Variants in DDX60 observed in about 807,000 individuals in gnomAD.
DDX60 encodes the protein DExD/H-box helicase 60, also known as probable ATP-dependent RNA helicase DDX60.
In DDX60, 165 loss-of-function variants were observed where a neutral mutation model predicts 212.8. The ratio of observed to expected loss-of-function variants is 0.78; its 90% CI spans 0.68 to 0.88. The LOEUF is 0.88. DDX60 is among the 40% of genes least tolerant of loss of function. DDX60 has a pLI of 0.00. For missense variants in DDX60, 1,905 were observed against 2,003.9 expected, an observed-to-expected ratio of 0.95 and a Z score of 0.94; for synonymous variants, 703 against 685.3, an observed-to-expected ratio of 1.03 and a Z score of -0.40.
At chr4:168,317,344 G>A (rs1272715115) in intron 1 of DDX60, among the ~76,000 whole-genome samples, 1 of 152,052 alleles carries the variant, frequency 6.6e-6, no homozygotes, top group Non-Finnish European at 1.5e-5. Flanking sequence ...TCCAATCACA[G>A]TAGTGTCAGA....
In DDX60 at chr4:168,255,721, G is replaced by T; in HGVS notation, c.3547C>A (p.Gln1183Lys). The change falls in exon 26 of 38, where the codon CAA becomes AAA. Residue 1183 changes from glutamine to lysine, a missense_variant. Gln to Lys is a moderately conservative substitution (Grantham distance 53). Coordinates refer to ENST00000393743, the MANE Select transcript of DDX60 (RefSeq NM_017631.6). ...LRKVKKSIEK[Q>K]KIIDEKSQKK... is the part of the protein sequence containing the mutation. The stretch of plus-strand genomic sequence containing the variant: ...TAGTTAACTACTTACATGATCTTTT[G>T]TTTCTCTATGGATTTTTTAACTTTT... 1 of 1,587,444 alleles carries T rather than the reference G, an allele frequency of 6.3e-7. No individual in the cohort carries two copies. The highest frequency in any genetic ancestry group is 8.5e-7 in the Non-Finnish European group (1 of 1,172,980).
rs1734087049 is a variant in DDX60 at position 168,248,176 on chromosome 4, A to G, written c.3963+12T>C. 1 of 1,575,096 alleles carries G rather than the reference A, an allele frequency of 6.3e-7. No individual in the cohort carries two copies. Among genetic ancestry groups the G allele is most frequent in the Non-Finnish European group, 8.6e-7 (1 of 1,159,128 alleles). On this transcript the variant is annotated intron_variant, in intron 29 of 37. Coordinates refer to ENST00000393743, the MANE Select transcript of DDX60 (RefSeq NM_017631.6). ...AGCAATACAATAAGCAAGTTTATGC[A>G]TTTTGCAATACCTGTCTATAATTCA...
At chr4:168,295,198 A>G (rs1342646971) in intron 6 of DDX60, among the ~76,000 whole-genome samples, 1 of 152,198 alleles carries the variant, frequency 6.6e-6, no homozygotes, top group African/African-American at 2.4e-5. Context: ...TACAATTAGA[A>G]CTATCATAGG....
At position 168,234,803 on chromosome 4, in the gene DDX60, G is replaced by A. The variant is rs193229259; in HGVS notation, c.4533+1449C>T. ...TTTAGATGTTATCTTTCACAAGAGC[G>A]AATGCCCCCATTTTCGTGTTTGGCC... On this transcript the variant is annotated intron_variant, in intron 33 of 37. Transcript: ENST00000393743. Among the ~76,000 whole-genome samples the A allele has an allele frequency of 5.7e-4, 87 of 152,126 alleles. 1 individual carries two copies. The highest frequency in any genetic ancestry group is 1.9e-3 in the African/African-American group (79 of 41,514).
At chr4:168,284,436 G>C (rs549701988) in intron 12 of DDX60, among the ~76,000 whole-genome samples, 1 of 152,174 alleles carries the variant, frequency 6.6e-6, no homozygotes. Context: ...CAACCACCCT[G>C]AGCATGAAGG....
chr4:168,246,659 T>G lies in DDX60; in HGVS notation c.3964-41A>C, dbSNP rs747004764. ...AATTACAATGTAAAACTTCCCTAAATGCTTCTACTGCCATAGTGTAAGAAT... is the reference window on the plus strand; with the variant it reads ...AATTACAATGTAAAACTTCCCTAAAGGCTTCTACTGCCATAGTGTAAGAAT... On this transcript the variant is annotated intron_variant, in intron 29 of 37. Coordinates refer to ENST00000393743, the MANE Select transcript of DDX60 (RefSeq NM_017631.6). 35 of 1,595,356 alleles carry G rather than the reference T, an allele frequency of 2.2e-5. No homozygotes were observed. The South Asian group carries it at 3.8e-4, about 17-fold the overall frequency.
At chr4:168,275,669 C>T (rs1047458839) in intron 15 of DDX60, among the ~76,000 whole-genome samples, 166 bp from the exon 16 acceptor site, 4 of 152,014 alleles carry the variant, frequency 2.6e-5, no homozygotes, top group African/African-American at 9.7e-5. Flanking sequence ...TAGTAGACAT[C>T]AAGATTTTCA....
intron 19 of DDX60, among the ~76,000 whole-genome samples, chr4:168,269,847 A>C (rs1308873189): frequency 6.6e-6 from 1 of 152,080 alleles, no homozygotes; most frequent in Non-Finnish European, 1.5e-5. Flanking sequence ...AAGAGCTTTC[A>C]CGTATATTAT....
rs1331554303 is a variant in DDX60, at chr4:168,236,239, TCA to T, written c.4533+11_4533+12del. On this transcript the variant is annotated intron_variant, in intron 33 of 37. Transcript: ENST00000393743. ...TTTACATTACTAAATTTTATCAGAA[TCA>T]CACAGTTTACCTTTGATTGATAAAA... The T allele has an allele frequency of 4.4e-6, 7 of 1,607,000 alleles. No individual in the cohort carries two copies. In the Admixed American group the frequency reaches 6.8e-5, roughly 16 times the overall value.
At position 168,252,497 on chromosome 4, in the gene DDX60, G is replaced by A. The variant is rs1175693461; in HGVS notation, c.3705+12C>T. 1.2e-6 allele frequency: 2 copies of A among 1,612,756 alleles called. No homozygotes were observed. The highest frequency in any genetic ancestry group is 1.1e-5 in the South Asian group (1 of 90,494). On this transcript the variant is annotated intron_variant, in intron 27 of 37. Coordinates refer to ENST00000393743, the MANE Select transcript of DDX60 (RefSeq NM_017631.6). ...AAATAGTTTGGAGAACGATCAGGTT[G>A]TAAGTGCTGACCTCAGTGTCCACTG... is the stretch of plus-strand genomic sequence containing the variant.
chr4:168,250,356 G>A (rs112848692), intron 28 of DDX60, among the ~76,000 whole-genome samples: 9,845 of 151,786 alleles, frequency 0.065, 467 homozygotes, highest in East Asian at 0.15. Context: ...AGCCTGACCA[G>A]CATGGAGAAA....
Position 168,216,402 on chromosome 4 carries a change from T to G in DDX60, c.*531A>C, listed in dbSNP as rs1366427150. The G allele has an allele frequency of 6.6e-6, 1 of 152,232 alleles. No individual in the cohort carries two copies. Among genetic ancestry groups the G allele is most frequent in the Non-Finnish European group, 1.5e-5 (1 of 68,042 alleles). 9.4% of individuals were successfully genotyped at this position (152,232 alleles called of 1,614,324 possible). A position where few individuals can be genotyped will look rare whatever the true frequency, so the allele number is the denominator to read the frequency against. On this transcript the variant is annotated 3_prime_UTR_variant, in exon 38 of 38. Transcript: ENST00000393743. The stretch of plus-strand genomic sequence containing the variant: ...TTTTGTTAAATCATCACAAAATGTA[T>G]GTTTAAAAAGTAGTTTAAGTTTACT...
intron 22 of DDX60, 81 bp downstream of exon 22, chr4:168,267,501 T>A: frequency 1.8e-6 from 1 of 565,684 alleles, no homozygotes; most frequent in Admixed American, 4.0e-5. Flanking sequence ...TTCTGATACA[T>A]ATCAATTAGG....
At chr4:168,284,796 T>C (rs1735746999) in intron 12 of DDX60, 24 bp downstream of exon 12, 2 of 1,153,448 alleles carry the variant, frequency 1.7e-6, no homozygotes, top group African/African-American at 1.5e-5. Context: ...TTTAAATTTA[T>C]ATCACTGGAG....
At chr4:168,223,247 A>G (rs1733126870) in intron 35 of DDX60, among the ~76,000 whole-genome samples, 2 of 152,082 alleles carry the variant, frequency 1.3e-5, no homozygotes, top group South Asian at 4.1e-4. Flanking sequence ...TATATGCTAT[A>G]AAAGATATAT....
Position 168,252,665 on chromosome 4 carries a change from A to C in DDX60, c.3558-9T>G. 1.3e-6 allele frequency: 2 copies of C among 1,575,888 alleles called. No homozygotes were observed. Among genetic ancestry groups the C allele is most frequent in the Non-Finnish European group, 1.7e-6 (2 of 1,163,330 alleles). ...TCTGGCTCTTTTCATCTCTGTTCATAAAAATAAAATTTTAATTAATGAAAT... is the reference window on the plus strand; with the variant it reads ...TCTGGCTCTTTTCATCTCTGTTCATCAAAATAAAATTTTAATTAATGAAAT... On this transcript the variant is annotated splice_polypyrimidine_tract_variant and intron_variant, in intron 26 of 37. Coordinates refer to ENST00000393743, the MANE Select transcript of DDX60 (RefSeq NM_017631.6).
chr4:168,272,504 A>G (rs555226259), intron 18 of DDX60, among the ~76,000 whole-genome samples: 26 of 152,238 alleles, frequency 1.7e-4, no homozygotes, highest in Non-Finnish European at 3.4e-4. Flanking sequence ...TAGTGTGAAA[A>G]GAGCAGGGAA....
At chr4:168,252,339 T>C (rs935657868) in intron 27 of DDX60, among the ~76,000 whole-genome samples, 170 bp downstream of exon 27, 3 of 152,238 alleles carry the variant, frequency 2.0e-5, no homozygotes, top group African/African-American at 7.2e-5. Context: ...AGATATGCAC[T>C]GCAGAGCATT....
At chr4:168,320,554 G>A (rs1737580956), upstream of DDX60, among the ~76,000 whole-genome samples, 1 of 152,136 alleles carries the variant, frequency 6.6e-6, no homozygotes, top group Admixed American at 6.5e-5. Flanking sequence ...GCTCAGAACT[G>A]TAAGAGAACA....
Sources: gnomAD v4.1 joint callset for allele counts (sites outside exome capture counted in the v4.1 genomes callset) on GRCh38, gnomAD v4.1.1 for gene constraint, MANE v1.5 for transcripts, NCBI Gene and HGNC (gene_info 2026-07-23, HGNC 2026-07-21) for gene names.